The following UNC5D variants were observed in gnomAD, a reference collection of about 807,000 sequenced individuals.
The protein encoded by UNC5D is unc-5 netrin receptor D, also known as netrin receptor UNC5D.
In UNC5D, 39 loss-of-function variants were observed where a neutral mutation model predicts 105.4. The ratio of observed to expected loss-of-function variants is 0.37; its 90% CI spans 0.29 to 0.48. The LOEUF is 0.48. UNC5D is among the 20% of genes least tolerant of loss of function. The probability of loss-of-function intolerance (pLI) is 0.98; values close to 1 mark genes in which losing one functional copy is unlikely to be tolerated. For synonymous variants in UNC5D, 452 were observed against 450.4 expected, an observed-to-expected ratio of 1.00 and a Z score of -0.04; for missense variants, 991 against 1,202.4, an observed-to-expected ratio of 0.82 and a Z score of 2.60.
intron 1 of UNC5D, among the ~76,000 whole-genome samples, chr8:35,335,813 G>A (rs1405237319): frequency 1.5e-5 from 2 of 134,116 alleles, no homozygotes; most frequent in Non-Finnish European, 3.1e-5. Context: ...GCCCAGGCTG[G>A]AGTGCAGTGG....
intron 1 of UNC5D, among the ~76,000 whole-genome samples, chr8:35,470,400 C>A (rs1407483627): frequency 6.6e-6 from 1 of 151,880 alleles, no homozygotes; most frequent in East Asian, 1.9e-4. Flanking sequence ...GGCCATGGAT[C>A]CTGATATTGA....
At chr8:35,281,525 C>T (rs1384444323) in intron 1 of UNC5D, among the ~76,000 whole-genome samples, 1 of 151,898 alleles carries the variant, frequency 6.6e-6, no homozygotes, top group African/African-American at 2.4e-5. Flanking sequence ...CTGCAACCTC[C>T]GCCTCCCGGG....
At chr8:35,301,661 A>G (rs965295501) in intron 1 of UNC5D, among the ~76,000 whole-genome samples, 3 of 152,138 alleles carry the variant, frequency 2.0e-5, no homozygotes, top group African/African-American at 4.8e-5. Flanking sequence ...ATACTACCAA[A>G]TTACGTTTTG....
intron 4 of UNC5D, among the ~76,000 whole-genome samples, chr8:35,601,406 A>T (rs540530881): frequency 4.5e-4 from 69 of 152,280 alleles, no homozygotes; most frequent in African/African-American, 1.6e-3. Context: ...GGCCATTTTC[A>T]TGATATTGAT....
chr8:35,575,056 C>G (rs887389225), intron 3 of UNC5D, among the ~76,000 whole-genome samples: 7 of 152,076 alleles, frequency 4.6e-5, no homozygotes, highest in Non-Finnish European at 1.0e-4. Context: ...CTCTGTGGCA[C>G]CCCCAGCTTC....
At chr8:35,421,175 A>G (rs573975371) in intron 1 of UNC5D, among the ~76,000 whole-genome samples, 12 of 152,132 alleles carry the variant, frequency 7.9e-5, no homozygotes, top group Non-Finnish European at 1.5e-4. Flanking sequence ...TCAGTGGTTT[A>G]TTATCTCAAG....
chr8:35,498,122 G>A (rs73571880), intron 1 of UNC5D, among the ~76,000 whole-genome samples: 24,869 of 143,488 alleles, frequency 0.17, 3,007 homozygotes, highest in African/African-American at 0.3. Flanking sequence ...GCGGGGGAGA[G>A]TCAGGAGCAA....
At chr8:35,307,964 A>C (rs1469239286) in intron 1 of UNC5D, among the ~76,000 whole-genome samples, 1 of 152,180 alleles carries the variant, frequency 6.6e-6, no homozygotes, top group African/African-American at 2.4e-5. Flanking sequence ...GTATGCACTC[A>C]GGCCTGTGAT....
intron 3 of UNC5D, among the ~76,000 whole-genome samples, chr8:35,579,622 A>C (rs949054350): frequency 6.6e-6 from 1 of 152,192 alleles, no homozygotes; most frequent in Admixed American, 6.5e-5. Context: ...TCCATCCAGG[A>C]TGGAACATCA....
intron 1 of UNC5D, among the ~76,000 whole-genome samples, chr8:35,481,939 A>T (rs1810509309): frequency 6.6e-6 from 1 of 152,164 alleles, no homozygotes; most frequent in African/African-American, 2.4e-5. Flanking sequence ...TTATCCAGAC[A>T]TTTATGTATG....
intron 1 of UNC5D, among the ~76,000 whole-genome samples, chr8:35,488,164 A>C (rs1231601178): frequency 6.6e-6 from 1 of 152,202 alleles, no homozygotes; most frequent in Non-Finnish European, 1.5e-5. Context: ...GGTGCTGAGC[A>C]ACCGTTTGCT....
At chr8:35,283,990 CAA>C (rs1806395950) in intron 1 of UNC5D, among the ~76,000 whole-genome samples, 1 of 152,090 alleles carries the variant, frequency 6.6e-6, no homozygotes, top group Admixed American at 6.6e-5. Flanking sequence ...AAAGTTTTAA[CAA>C]GAGTAATTTC....
intron 1 of UNC5D, among the ~76,000 whole-genome samples, chr8:35,373,378 GCATTTCTTTAAAAATA>G (rs1351710665): frequency 6.6e-6 from 1 of 152,076 alleles, no homozygotes; most frequent in Non-Finnish European, 1.5e-5. Context: ...AGTACAATAG[GCATTTCTTTAAAAATA>G]CATGTAGCAA....
intron 1 of UNC5D, among the ~76,000 whole-genome samples, chr8:35,494,604 C>A (rs1811430988): frequency 6.6e-6 from 1 of 152,174 alleles, no homozygotes; most frequent in Non-Finnish European, 1.5e-5. Context: ...ACTCCCCATT[C>A]AACTACTTGC....
At chr8:35,452,145 G>C (rs1001701387) in intron 1 of UNC5D, among the ~76,000 whole-genome samples, 1 of 152,144 alleles carries the variant, frequency 6.6e-6, no homozygotes, top group African/African-American at 2.4e-5. Flanking sequence ...TGATGAATTA[G>C]TATATGAATC....
chr8:35,502,400 C>T (rs948700820), intron 1 of UNC5D, among the ~76,000 whole-genome samples: 7 of 152,198 alleles, frequency 4.6e-5, no homozygotes, highest in African/African-American at 1.7e-4. Flanking sequence ...CTGCCATTAC[C>T]ATCCTGGTTA....
chr8:35,351,401 A>G (rs1006873131), intron 1 of UNC5D, among the ~76,000 whole-genome samples: 7 of 152,144 alleles, frequency 4.6e-5, no homozygotes, highest in African/African-American at 1.7e-4. Flanking sequence ...TATAAAATAT[A>G]TCTATACATT....
chr8:35,582,863 G>A (rs182396423), intron 3 of UNC5D, among the ~76,000 whole-genome samples: 29 of 152,272 alleles, frequency 1.9e-4, no homozygotes, highest in Admixed American at 3.9e-4. Context: ...TCCTGTAGAA[G>A]ACTCAGAGGT....
intron 9 of UNC5D, chr8:35,724,158 C>T (rs779267050): frequency 2.1e-6 from 3 of 1,455,396 alleles, no homozygotes; most frequent in Non-Finnish European, 2.7e-6. Flanking sequence ...GACTTGCCTA[C>T]ACTTAAACTC....
Sources: gnomAD v4.1 joint callset for allele counts (sites outside exome capture counted in the v4.1 genomes callset) on GRCh38, gnomAD v4.1.1 for gene constraint, MANE v1.5 for transcripts, NCBI Gene and HGNC (gene_info 2026-07-23, HGNC 2026-07-21) for gene names.